FKTN: variants seen among roughly 807,000 people sequenced by gnomAD.
FKTN encodes the protein fukutin.
In FKTN, 47 loss-of-function variants were observed where a neutral mutation model predicts 58.6. The ratio of observed to expected loss-of-function variants is 0.80; its 90% CI spans 0.63 to 1.02. FKTN has a LOEUF of 1.02. FKTN is among the 50% of genes least tolerant of loss of function. The probability of loss-of-function intolerance (pLI) is 0.00; values close to 1 mark genes in which losing one functional copy is unlikely to be tolerated. For missense variants in FKTN, 516 were observed against 537.3 expected (o/e 0.96, Z 0.39); for synonymous variants, 178 against 191.9 (o/e 0.93, Z 0.60).
At chr9:105,563,461 T>A (rs1409450049) in intron 1 of FKTN, among the ~76,000 whole-genome samples, 1 of 152,180 alleles carries the variant, frequency 6.6e-6, no homozygotes, top group African/African-American at 2.4e-5. Flanking sequence ...CCTAATACTG[T>A]GCTTTTCCGA....
chr9:105,624,623 CAAAAAAAA>C (rs779770311), intron 10 of FKTN, among the ~76,000 whole-genome samples: 2 of 69,206 alleles, frequency 2.9e-5, no homozygotes, highest in South Asian at 4.6e-4. Flanking sequence ...AGAGCAAAAC[CAAAAAAAA>C]AAAAAAAAAA....
At chr9:105,572,375 A>G (rs1237288350) in intron 1 of FKTN, among the ~76,000 whole-genome samples, 1 of 152,208 alleles carries the variant, frequency 6.6e-6, no homozygotes, top group Non-Finnish European at 1.5e-5. Flanking sequence ...TGAAATTACC[A>G]TGAAACAACA....
intron 7 of FKTN, among the ~76,000 whole-genome samples, 183 bp downstream of exon 7, chr9:105,608,134 C>A (rs1031178788): frequency 3.3e-5 from 5 of 151,914 alleles, no homozygotes; most frequent in African/African-American, 1.2e-4. Context: ...TAAAAATTAA[C>A]CTTAAGAAAC....
chr9:105,597,746 C>T (rs1173143229), intron 4 of FKTN, among the ~76,000 whole-genome samples: 1 of 152,072 alleles, frequency 6.6e-6, no homozygotes, highest in Non-Finnish European at 1.5e-5. Flanking sequence ...CCAAAGGCAA[C>T]AGGGGTGATC....
rs1323669282 is a variant in FKTN, at chr9:105,606,332, CAAT to C, written c.648-1481_648-1479del. Among the ~76,000 whole-genome samples the C allele has an allele frequency of 2.6e-5, 4 of 151,912 alleles. No individual in the cohort carries two copies. The East Asian group carries it at 7.7e-4, about 29-fold the overall frequency. On this transcript the variant is annotated intron_variant, in intron 6 of 10. Coordinates refer to ENST00000357998, the MANE Select transcript of FKTN (RefSeq NM_001079802.2). ...TGCAAAAATTTATCTTTGGCTATCT[CAAT>C]AATAAAAATATTTCTTGTGAGAAAC...
At chr9:105,601,026 G>C in intron 4 of FKTN, 119 bp from the exon 5 acceptor site, 1 of 663,514 alleles carries the variant, frequency 1.5e-6, no homozygotes, top group East Asian at 2.7e-5. Flanking sequence ...ACAATGATAA[G>C]CATGGTATCT....
Position 105,638,274 on chromosome 9 carries a change from A to G in FKTN, c.*3010A>G. 18 of 985,376 alleles carry G rather than the reference A, an allele frequency of 1.8e-5. No homozygotes were observed. Among genetic ancestry groups the G allele is most frequent in the Non-Finnish European group, 2.2e-5 (18 of 829,892 alleles). 61.0% of individuals were successfully genotyped at this position (985,376 alleles called of 1,614,324 possible). A position where few individuals can be genotyped will look rare whatever the true frequency, so the allele number is the denominator to read the frequency against. ...CAGTGCTTCATTGAGGCTAAGTCTC[A>G]GGGTGTTTCTGCCGCTTAGTATCTT... On this transcript the variant is annotated 3_prime_UTR_variant, in exon 11 of 11. Coordinates refer to ENST00000357998, the MANE Select transcript of FKTN (RefSeq NM_001079802.2).
chr9:105,595,938 T>C (rs541225338), intron 3 of FKTN, among the ~76,000 whole-genome samples: 1 of 152,334 alleles, frequency 6.6e-6, no homozygotes, highest in African/African-American at 2.4e-5. Context: ...CAGACATTCT[T>C]TCTCCTCTTA....
At chr9:105,563,338 C>T (rs959670012) in intron 1 of FKTN, among the ~76,000 whole-genome samples, 21 of 152,162 alleles carry the variant, frequency 1.4e-4, no homozygotes, top group African/African-American at 3.9e-4. Flanking sequence ...GAGCGTGAGC[C>T]GAAGCAGGGC....
chr9:105,563,949 C>T (rs563414072), intron 1 of FKTN, among the ~76,000 whole-genome samples: 59 of 152,292 alleles, frequency 3.9e-4, no homozygotes, highest in Admixed American at 1.2e-3. Flanking sequence ...CCCTCTGAGA[C>T]GAAACTTCCA....
rs1027953864 is a variant in FKTN at position 105,635,711 on chromosome 9, G to A, written c.*447G>A. The A allele has an allele frequency of 3.9e-6, 4 of 1,035,864 alleles. No homozygotes were observed. The highest frequency in any genetic ancestry group is 1.6e-4 in the East Asian group (2 of 12,156). 64.2% of individuals were successfully genotyped at this position (1,035,864 alleles called of 1,614,324 possible). ...TCTGGGCATTTAAGCTGGTATGTTA[G>A]TGCTACTTTTAAGATTGTGGAGTCT... is the stretch of plus-strand genomic sequence containing the variant. On this transcript the variant is annotated 3_prime_UTR_variant, in exon 11 of 11. Transcript: ENST00000357998.
In FKTN at chr9:105,618,023, A is replaced by C. The variant is rs774410536; in HGVS notation, c.975A>C (p.Gln325His). ...SKDVDLGIFI[Q>H]DYKSDIILAF... is the part of the protein sequence containing the mutation. ...ATGTTGACCTAGGAATTTTTATACA[A>C]GATTACAAATCTGATATTATTTTAG... The change falls in exon 9 of 11, where the codon CAA becomes CAC. Residue 325 changes from glutamine (Q) to histidine (H), a missense_variant. By Grantham distance (24) the Gln-to-His change is conservative. Transcript: ENST00000357998. The C allele has an allele frequency of 1.2e-6, 2 of 1,602,150 alleles. No individual in the cohort carries two copies. Among genetic ancestry groups the C allele is most frequent in the Non-Finnish European group, 8.6e-7 (1 of 1,169,020 alleles).
intron 3 of FKTN, among the ~76,000 whole-genome samples, chr9:105,580,562 G>A (rs536354486): frequency 5.9e-5 from 6 of 101,834 alleles, no homozygotes; most frequent in East Asian, 2.9e-4. Context: ...GCTTCCCTTT[G>A]AGGGTAACCC....
intron 3 of FKTN, among the ~76,000 whole-genome samples, chr9:105,594,841 C>A (rs2132550592): frequency 6.6e-6 from 1 of 152,202 alleles, no homozygotes; most frequent in Non-Finnish European, 1.5e-5. Context: ...CTTTGCTGAG[C>A]AAATAAAATG....
chr9:105,640,193 A>T lies in FKTN; in HGVS notation c.*4929A>T. ...GTTCATAAGTGAAACAGACTAATTCAATGGCAATACCTTTTGTATAGGTCC... is the reference window on the plus strand; with the variant it reads ...GTTCATAAGTGAAACAGACTAATTCTATGGCAATACCTTTTGTATAGGTCC... On this transcript the variant is annotated 3_prime_UTR_variant, in exon 11 of 11. Coordinates refer to ENST00000357998, the MANE Select transcript of FKTN (RefSeq NM_001079802.2). The T allele has an allele frequency of 6.5e-7, 1 of 1,529,422 alleles. No individual in the cohort carries two copies. Among genetic ancestry groups the T allele is most frequent in the Non-Finnish European group, 8.7e-7 (1 of 1,143,552 alleles). 94.7% of individuals were successfully genotyped at this position (1,529,422 alleles called of 1,614,324 possible).
chr9:105,572,149 T>G (rs2518121), intron 1 of FKTN, among the ~76,000 whole-genome samples: 4,330 of 152,210 alleles, frequency 0.028, 90 homozygotes, highest in Non-Finnish European at 0.042. Context: ...TTAGGTTATC[T>G]TTGCTTAATA....
In FKTN at chr9:105,571,616, C is replaced by T. The variant is rs185229494; in HGVS notation, c.-180-2039C>T. The stretch of plus-strand genomic sequence containing the variant: ...TAGGCAGGCCTATTATGTGTTCTTT[C>T]CCATTTATTAATTTGGGCTTAGAAG... On this transcript the variant is annotated intron_variant, in intron 1 of 10. Transcript: ENST00000357998. Among the ~76,000 whole-genome samples, 995 of 152,208 alleles carry T rather than the reference C, an allele frequency of 6.5e-3. 17 individuals are homozygous for T. The highest frequency in any genetic ancestry group is 0.023 in the African/African-American group (945 of 41,534).
intron 1 of FKTN, among the ~76,000 whole-genome samples, chr9:105,572,291 C>G (rs1392403787): frequency 1.3e-5 from 2 of 151,730 alleles, no homozygotes; most frequent in African/African-American, 4.8e-5. Flanking sequence ...TCTGGCAGCT[C>G]ATTTGGATTG....
intron 10 of FKTN, among the ~76,000 whole-genome samples, chr9:105,633,948 C>T (rs1309258398): frequency 1.3e-5 from 2 of 152,102 alleles, no homozygotes; most frequent in African/African-American, 4.8e-5. Flanking sequence ...CCACTTTAAA[C>T]CTCATTACTG....
Sources: gnomAD v4.1 joint callset for allele counts (sites outside exome capture counted in the v4.1 genomes callset) on GRCh38, gnomAD v4.1.1 for gene constraint, MANE v1.5 for transcripts, NCBI Gene and HGNC (gene_info 2026-07-23, HGNC 2026-07-21) for gene names.